Variants in VAPB observed in about 807,000 individuals in gnomAD.
VAPB encodes vesicle-associated membrane protein-associated protein B/C.
In VAPB, 7 loss-of-function variants were observed where a neutral mutation model predicts 25.6. That is an observed-to-expected ratio of 0.27 (90% CI 0.16 to 0.51). VAPB has a LOEUF of 0.51. Ranked by LOEUF, VAPB falls within the 20% of genes least tolerant of loss-of-function variation. The pLI, the probability that VAPB is intolerant of heterozygous loss-of-function variation, is 0.97. For synonymous variants in VAPB, 112 were observed against 109.2 expected, an observed-to-expected ratio of 1.03 and a Z score of -0.16; for missense variants, 266 against 301.3, an observed-to-expected ratio of 0.88 and a Z score of 0.87.
chr20:58,389,863 C>T lies in VAPB; in HGVS notation c.58+346C>T, dbSNP rs769625918. Among the ~76,000 whole-genome samples the T allele has an allele frequency of 5.9e-5, 9 of 152,234 alleles. No individual in the cohort carries two copies. The South Asian group carries it at 6.2e-4, about 11-fold the overall frequency. On this transcript the variant is annotated intron_variant, in intron 1 of 5. Coordinates refer to ENST00000475243, the MANE Select transcript of VAPB (RefSeq NM_004738.5). Reference sequence around the variant, plus strand: ...TGCCTTTGCCTAGAAGTTTCTTCCCCTGCTCCGTGACAGTGTTGACCTCAG... The same window carrying T: ...TGCCTTTGCCTAGAAGTTTCTTCCCTTGCTCCGTGACAGTGTTGACCTCAG...
chr20:58,393,928 C>G (rs1202627350), intron 1 of VAPB, among the ~76,000 whole-genome samples: 1 of 152,192 alleles, frequency 6.6e-6, no homozygotes, highest in Non-Finnish European at 1.5e-5. Context: ...GACAGGGTTT[C>G]TCCCTGTTGG....
intron 1 of VAPB, among the ~76,000 whole-genome samples, chr20:58,415,964 G>A (rs1008085338): frequency 3.9e-5 from 6 of 152,120 alleles, no homozygotes; most frequent in Non-Finnish European, 5.9e-5. Flanking sequence ...GAGGAAGGTT[G>A]GCCTGTTCTT....
rs562071089 is a variant in VAPB, at chr20:58,418,107, G to A, written c.59-104G>A. 2.4e-4 allele frequency: 360 copies of A among 1,485,774 alleles called. No homozygotes were observed. In the African/African-American group the frequency reaches 3.7e-3, roughly 15 times the overall value. 92.0% of individuals were successfully genotyped at this position (1,485,774 alleles called of 1,614,324 possible). A position where few individuals can be genotyped will look rare whatever the true frequency, so the allele number is the denominator to read the frequency against. On this transcript the variant is annotated intron_variant, in intron 1 of 5. Transcript: ENST00000475243. Reference sequence around the variant, plus strand: ...CCATTGGCATGTTAATGAGATAATCGTGGATCTCAAATCTTCCCTTAACTA... The same window carrying A: ...CCATTGGCATGTTAATGAGATAATCATGGATCTCAAATCTTCCCTTAACTA...
intron 2 of VAPB, among the ~76,000 whole-genome samples, chr20:58,420,730 T>C (rs966605507): frequency 6.6e-6 from 1 of 152,216 alleles, no homozygotes; most frequent in Non-Finnish European, 1.5e-5. Context: ...TCCTTTGTTA[T>C]TATTTGGTAT....
rs1378798241 is a variant in VAPB, at chr20:58,448,839, G to C, written c.*4604G>C. On this transcript the variant is annotated 3_prime_UTR_variant, in exon 6 of 6. Transcript: ENST00000475243. ...CTGAAGATCTCTGCTGATGCTCCTGGAGAATGACTTTGGGGGCTTTAGAAA... is the reference window on the plus strand; with the variant it reads ...CTGAAGATCTCTGCTGATGCTCCTGCAGAATGACTTTGGGGGCTTTAGAAA... 4.4e-6 allele frequency: 2 copies of C among 453,934 alleles called. No individual in the cohort carries two copies. The highest frequency in any genetic ancestry group is 8.8e-6 in the Non-Finnish European group (2 of 226,804). The allele number at this position is 453,934 out of a possible 1,614,324, so 28.1% of individuals were successfully genotyped here.
intron 1 of VAPB, among the ~76,000 whole-genome samples, chr20:58,415,682 TTGG>T (rs1166728035): frequency 2.0e-5 from 3 of 152,208 alleles, no homozygotes; most frequent in Non-Finnish European, 2.9e-5. Flanking sequence ...TTTAAATTCA[TTGG>T]TGGTAAATAT....
At position 58,450,075 on chromosome 20, in the gene VAPB, C is replaced by G. The variant is rs143956272; in HGVS notation, c.*5840C>G. 485 of 454,042 alleles carry G rather than the reference C, an allele frequency of 1.1e-3. No homozygotes were observed. Among genetic ancestry groups the G allele is most frequent in the African/African-American group, 8.9e-3 (446 of 50,098 alleles). The allele number at this position is 454,042 out of a possible 1,614,324, so 28.1% of individuals were successfully genotyped here. On this transcript the variant is annotated 3_prime_UTR_variant, in exon 6 of 6. Transcript: ENST00000475243. ...GAGAAATGAGTGTGCACGTTTCACA[C>G]GTTGACTTGCCGGTTTTTCCATGTC...
At position 58,427,132 on chromosome 20, in the gene VAPB, G is replaced by A. The variant is rs368859142; in HGVS notation, c.212-7470G>A. Among the ~76,000 whole-genome samples, 8 of 151,990 alleles carry A rather than the reference G, an allele frequency of 5.3e-5. No individual in the cohort carries two copies. The East Asian group carries it at 1.4e-3, about 26-fold the overall frequency. On this transcript the variant is annotated intron_variant, in intron 2 of 5. Transcript: ENST00000475243. Reference sequence around the variant, plus strand: ...GTGATCTGTGATCTGTTACCATTATGATGCAGGTCCATGATCTGTTACCAT... The same window carrying A: ...GTGATCTGTGATCTGTTACCATTATAATGCAGGTCCATGATCTGTTACCAT...
chr20:58,448,606 T>C lies in VAPB; in HGVS notation c.*4371T>C. ...TACCATTTCAGCTCTGAAAATCTGCTTCAGGGAAGTGAGTGGATGAGGCCT... is the reference window on the plus strand; with the variant it reads ...TACCATTTCAGCTCTGAAAATCTGCCTCAGGGAAGTGAGTGGATGAGGCCT... On this transcript the variant is annotated 3_prime_UTR_variant, in exon 6 of 6. Coordinates refer to ENST00000475243, the MANE Select transcript of VAPB (RefSeq NM_004738.5). 2 of 454,126 alleles carry C rather than the reference T, an allele frequency of 4.4e-6. No individual in the cohort carries two copies. Among genetic ancestry groups the C allele is most frequent in the South Asian group, 1.6e-5 (1 of 64,474 alleles). 28.1% of individuals were successfully genotyped at this position (454,126 alleles called of 1,614,324 possible). A position where few individuals can be genotyped will look rare whatever the true frequency, so the allele number is the denominator to read the frequency against.
chr20:58,413,932 C>T (rs1356719395), intron 1 of VAPB, among the ~76,000 whole-genome samples: 4 of 68,936 alleles, frequency 5.8e-5, no homozygotes, highest in African/African-American at 2.6e-4. Flanking sequence ...CCGGATGGGG[C>T]GGCTGGCCGG....
intron 1 of VAPB, among the ~76,000 whole-genome samples, chr20:58,409,744 A>G (rs985676379): frequency 6.6e-6 from 1 of 152,184 alleles, no homozygotes; most frequent in African/African-American, 2.4e-5. Context: ...TTGGTATACA[A>G]CTTATTTGGT....
intron 5 of VAPB, among the ~76,000 whole-genome samples, chr20:58,441,736 A>G (rs1989167065): frequency 6.6e-6 from 1 of 152,252 alleles, no homozygotes; most frequent in South Asian, 2.1e-4. Context: ...TATTTTGAAT[A>G]TGCATTTTTA....
Position 58,447,033 on chromosome 20 carries a change from G to T in VAPB, c.*2798G>T. ...GGCATGGAAAGAGCGAGCCTAGGGAGGATGCCGCTGGGCAGTGTGCATGGG... is the reference window on the plus strand; with the variant it reads ...GGCATGGAAAGAGCGAGCCTAGGGATGATGCCGCTGGGCAGTGTGCATGGG... On this transcript the variant is annotated 3_prime_UTR_variant, in exon 6 of 6. Coordinates refer to ENST00000475243, the MANE Select transcript of VAPB (RefSeq NM_004738.5). The T allele has an allele frequency of 2.2e-6, 1 of 454,036 alleles. No individual in the cohort carries two copies. Among genetic ancestry groups the T allele is most frequent in the Non-Finnish European group, 4.4e-6 (1 of 226,720 alleles). The allele number at this position is 454,036 out of a possible 1,614,324, so 28.1% of individuals were successfully genotyped here.
intron 1 of VAPB, among the ~76,000 whole-genome samples, chr20:58,391,589 A>G (rs1432203166): frequency 6.6e-6 from 1 of 151,780 alleles, no homozygotes; most frequent in East Asian, 1.9e-4. Context: ...GCTGGAGTGC[A>G]GAGGCGCCAT....
Position 58,446,303 on chromosome 20 carries a change from A to G in VAPB, c.*2068A>G. ...ACTTTCCGTGAGGGGACTAAAATTT[A>G]CTAATTGTAGTTGCTGCAGCCAGTT... On this transcript the variant is annotated 3_prime_UTR_variant, in exon 6 of 6. Coordinates refer to ENST00000475243, the MANE Select transcript of VAPB (RefSeq NM_004738.5). 2.2e-6 allele frequency: 1 copy of G among 454,086 alleles called. No homozygotes were observed. Among genetic ancestry groups the G allele is most frequent in the South Asian group, 1.6e-5 (1 of 64,476 alleles). 28.1% of individuals were successfully genotyped at this position (454,086 alleles called of 1,614,324 possible). A position where few individuals can be genotyped will look rare whatever the true frequency, so the allele number is the denominator to read the frequency against.
intron 2 of VAPB, among the ~76,000 whole-genome samples, chr20:58,426,451 G>A (rs66982726): frequency 2.8e-4 from 43 of 152,244 alleles, no homozygotes; most frequent in East Asian, 2.7e-3. Context: ...CAAGAGAAAC[G>A]TGTCAGGCAG....
At chr20:58,408,862 G>A (rs543553692) in intron 1 of VAPB, among the ~76,000 whole-genome samples, 22 of 150,740 alleles carry the variant, frequency 1.5e-4, no homozygotes, top group Non-Finnish European at 8.8e-5. Flanking sequence ...GTTCTAGTTT[G>A]GAGGATCTGG....
chr20:58,415,334 A>G (rs1416626783), intron 1 of VAPB, among the ~76,000 whole-genome samples: 1 of 152,256 alleles, frequency 6.6e-6, no homozygotes, highest in Non-Finnish European at 1.5e-5. Context: ...CATCTTCAGC[A>G]AACTCACACA....
At chr20:58,420,433 A>G (rs1245072596) in intron 2 of VAPB, among the ~76,000 whole-genome samples, 1 of 152,198 alleles carries the variant, frequency 6.6e-6, no homozygotes, top group African/African-American at 2.4e-5. Flanking sequence ...TGGCAGATAA[A>G]GTAAGGCACA....
Sources: gnomAD v4.1 joint callset for allele counts (sites outside exome capture counted in the v4.1 genomes callset) on GRCh38, gnomAD v4.1.1 for gene constraint, MANE v1.5 for transcripts, NCBI Gene and HGNC (gene_info 2026-07-23, HGNC 2026-07-21) for gene names.